DPP10: variants seen among roughly 807,000 people sequenced by gnomAD.
DPP10 encodes inactive dipeptidyl peptidase 10.
DPP10 carries 33 observed loss-of-function variants against 120.9 expected under a neutral mutation model. The ratio of observed to expected loss-of-function variants is 0.27; its 90% CI spans 0.21 to 0.37. The LOEUF (loss-of-function observed/expected upper bound fraction) is 0.37, where lower values mean the gene tolerates loss of function less well. DPP10 is among the 10% of genes least tolerant of loss of function. DPP10 has a pLI of 1.00. For synonymous variants in DPP10, 337 were observed against 326.1 expected (o/e 1.03, Z -0.36); for missense variants, 816 against 942.8 (o/e 0.87, Z 1.76).
At chr2:115,554,632 G>T (rs951721447) in intron 5 of DPP10, among the ~76,000 whole-genome samples, 11 of 152,014 alleles carry the variant, frequency 7.2e-5, no homozygotes, top group Admixed American at 4.6e-4. Flanking sequence ...ATTATTAATG[G>T]TTGCTCAGGA....
At chr2:114,964,010 G>T (rs769961678) in intron 1 of DPP10, among the ~76,000 whole-genome samples, 5 of 152,118 alleles carry the variant, frequency 3.3e-5, no homozygotes, top group Admixed American at 6.5e-5. Flanking sequence ...GAAGTAAGTA[G>T]GAGACAGGAC....
At chr2:115,058,378 C>A (rs942253891) in intron 1 of DPP10, among the ~76,000 whole-genome samples, 3 of 150,644 alleles carry the variant, frequency 2.0e-5, no homozygotes, top group Non-Finnish European at 4.4e-5. Context: ...CCAGAAAAAA[C>A]CATTTACATT....
intron 1 of DPP10, among the ~76,000 whole-genome samples, chr2:114,510,310 C>T (rs1684022504): frequency 6.6e-6 from 1 of 152,150 alleles, no homozygotes; most frequent in South Asian, 2.1e-4. Context: ...CTAGTTGTAT[C>T]AACTAAATGG....
chr2:114,760,944 TAAGTA>T (rs1035499029), intron 1 of DPP10, among the ~76,000 whole-genome samples: 5 of 152,128 alleles, frequency 3.3e-5, no homozygotes, highest in South Asian at 4.1e-4. Context: ...TTTTGAAAAA[TAAGTA>T]AAGTAAGGGA....
At chr2:114,820,644 C>A (rs148541666) in intron 1 of DPP10, among the ~76,000 whole-genome samples, 1 of 152,168 alleles carries the variant, frequency 6.6e-6, no homozygotes, top group Non-Finnish European at 1.5e-5. Context: ...GGAGATGGAA[C>A]GAGTGCTGAG....
intron 1 of DPP10, among the ~76,000 whole-genome samples, chr2:114,962,710 C>T (rs919399315): frequency 6.6e-6 from 1 of 152,116 alleles, no homozygotes; most frequent in Non-Finnish European, 1.5e-5. Flanking sequence ...AATCTCTTGG[C>T]ACCTATTAGC....
At chr2:115,483,817 A>T (rs975072769) in intron 3 of DPP10, among the ~76,000 whole-genome samples, 2 of 152,038 alleles carry the variant, frequency 1.3e-5, no homozygotes, top group African/African-American at 2.4e-5. Flanking sequence ...TGAAACTTTA[A>T]TGGAGATTTG....
chr2:115,315,817 C>G (rs761632635), intron 2 of DPP10, among the ~76,000 whole-genome samples: 3 of 152,062 alleles, frequency 2.0e-5, no homozygotes, highest in Admixed American at 6.6e-5. Flanking sequence ...AAAACAATGA[C>G]AGATTCTAAC....
intron 1 of DPP10, among the ~76,000 whole-genome samples, chr2:114,847,306 A>G (rs1427891099): frequency 6.6e-6 from 1 of 151,994 alleles, no homozygotes; most frequent in Non-Finnish European, 1.5e-5. Flanking sequence ...GGTCACCCTG[A>G]TCTTCTCCTG....
chr2:114,986,702 C>T (rs1222815284), intron 1 of DPP10, among the ~76,000 whole-genome samples: 1 of 152,146 alleles, frequency 6.6e-6, no homozygotes, highest in Non-Finnish European at 1.5e-5. Flanking sequence ...AATGAGAATC[C>T]AAGCATTTTG....
At chr2:115,005,534 AG>A (rs1334850245) in intron 1 of DPP10, among the ~76,000 whole-genome samples, 2 of 151,890 alleles carry the variant, frequency 1.3e-5, no homozygotes, top group Admixed American at 6.6e-5. Flanking sequence ...GAGCTGATGG[AG>A]CTGAAAACCA....
chr2:114,656,069 T>G (rs1443402054), intron 1 of DPP10, among the ~76,000 whole-genome samples: 1 of 152,310 alleles, frequency 6.6e-6, no homozygotes. Flanking sequence ...TTAGTTATGT[T>G]GAGATTCAAT....
At chr2:114,960,951 G>T (rs914817023) in intron 1 of DPP10, among the ~76,000 whole-genome samples, 1 of 134,780 alleles carries the variant, frequency 7.4e-6, no homozygotes, top group Admixed American at 7.7e-5. Context: ...AATTGTCATT[G>T]TTTAAATTTA....
At chr2:115,320,365 T>C (rs1049093462) in intron 2 of DPP10, among the ~76,000 whole-genome samples, 2 of 152,136 alleles carry the variant, frequency 1.3e-5, no homozygotes, top group South Asian at 4.1e-4. Flanking sequence ...AATGAAGTAA[T>C]TGTTTCATTG....
At chr2:114,790,239 T>A (rs1271098768) in intron 1 of DPP10, among the ~76,000 whole-genome samples, 4 of 152,238 alleles carry the variant, frequency 2.6e-5, no homozygotes, top group Non-Finnish European at 5.9e-5. Flanking sequence ...AATTCCTGAT[T>A]ACTCAGCTTT....
intron 1 of DPP10, among the ~76,000 whole-genome samples, chr2:115,276,171 G>T (rs542504976): frequency 1.9e-4 from 29 of 152,198 alleles, no homozygotes; most frequent in Admixed American, 6.5e-4. Flanking sequence ...GAAAACACTC[G>T]AATGGCAGGT....
chr2:115,630,124 C>T (rs1200481769), intron 5 of DPP10, among the ~76,000 whole-genome samples: 1 of 152,098 alleles, frequency 6.6e-6, no homozygotes, highest in Admixed American at 6.6e-5. Flanking sequence ...CCTTCACCTC[C>T]CTTGTTAGCT....
chr2:115,025,378 C>T (rs970100222), intron 1 of DPP10, among the ~76,000 whole-genome samples: 2 of 152,102 alleles, frequency 1.3e-5, no homozygotes, highest in African/African-American at 4.8e-5. Context: ...GTAAATATTG[C>T]AGATTTGCTT....
intron 1 of DPP10, among the ~76,000 whole-genome samples, chr2:115,169,401 A>G (rs1427967177): frequency 2.0e-5 from 3 of 152,082 alleles, no homozygotes; most frequent in Non-Finnish European, 4.4e-5. Context: ...AATGCTGAAT[A>G]TGTGTGTGTA....
Sources: allele counts gnomAD v4.1 joint callset (sites outside exome capture counted in the v4.1 genomes callset), GRCh38; gene constraint gnomAD v4.1.1; transcripts MANE v1.5; gene names NCBI Gene and HGNC (gene_info 2026-07-23, HGNC 2026-07-21).